The following CATSPERE variants were observed in gnomAD, a reference collection of about 807,000 sequenced individuals.
CATSPERE encodes the protein catsper channel auxiliary subunit epsilon, also known as cation channel sperm-associated auxiliary subunit epsilon.
A neutral mutation model predicts 114.1 loss-of-function variants in CATSPERE; 93 were observed. The observed-to-expected ratio is 0.81, with a 90% CI of 0.69 to 0.97. The LOEUF is 0.97. Ranked by LOEUF, CATSPERE falls within the 50% of genes least tolerant of loss-of-function variation. The pLI, the probability that CATSPERE is intolerant of heterozygous loss-of-function variation, is 0.00. For synonymous variants in CATSPERE, 341 were observed against 384.1 expected (o/e 0.89, Z 1.31); for missense variants, 1,058 against 1,131.6 (o/e 0.93, Z 0.93).
intron 7 of CATSPERE, among the ~76,000 whole-genome samples, chr1:244,513,292 T>TG: frequency 6.6e-6 from 1 of 152,086 alleles, no homozygotes; most frequent in East Asian, 1.9e-4. Context: ...AGTGGCAGGT[T>TG]GGGCAGGCCA....
At position 244,633,249 on chromosome 1, in the gene CATSPERE, T is replaced by G. The variant is rs1674198636; in HGVS notation, c.2649-2240T>G. 6.6e-6 allele frequency among the ~76,000 whole-genome samples: 1 copy of G among 152,260 alleles called. No individual in the cohort carries two copies. ...TCAGTAAGGATACAGAATACCTAAC[T>G]GTGCTATCAACCAATTCAATCCATT... On this transcript the variant is annotated intron_variant, in intron 20 of 21. Transcript: ENST00000366534. This position sits in a 1 kb window ranked among gnomAD's most constrained non-coding sequence, Gnocchi z 4.1.
At chr1:244,542,621 A>G (rs1170087449) in intron 8 of CATSPERE, among the ~76,000 whole-genome samples, 4 of 152,174 alleles carry the variant, frequency 2.6e-5, no homozygotes, top group African/African-American at 7.2e-5. Context: ...CACTTAAGAT[A>G]ATGGCATCCA....
rs35687880 is a variant in CATSPERE at position 244,626,485 on chromosome 1, CAAAAAAAAA to C, written c.2648+8814_2648+8822del. Among the ~76,000 whole-genome samples, 15 of 66,880 alleles carry C rather than the reference CAAAAAAAAA, an allele frequency of 2.2e-4. 2 individuals carry two copies. The highest frequency in any genetic ancestry group is 1.7e-3 in the South Asian group (3 of 1,716). The allele number at this position is 66,880 out of a possible 152,430, so 43.9% of individuals were successfully genotyped here. ...GGGCAACAAGAGCAAAATTCCATCT[CAAAAAAAAA>C]AAAAAAAAAAAAAAGTCCTAGATGG... On this transcript the variant is annotated intron_variant, in intron 20 of 21. Coordinates refer to ENST00000366534, the MANE Select transcript of CATSPERE (RefSeq NM_001130957.2).
At chr1:244,511,895 G>C (rs1322933262) in intron 7 of CATSPERE, among the ~76,000 whole-genome samples, 4 of 152,194 alleles carry the variant, frequency 2.6e-5, no homozygotes, top group African/African-American at 9.7e-5. Flanking sequence ...TTTCTGCTGA[G>C]AAATCCACTG....
intron 4 of CATSPERE, among the ~76,000 whole-genome samples, chr1:244,479,314 A>T (rs1669893719): frequency 6.6e-6 from 1 of 152,104 alleles, no homozygotes; most frequent in South Asian, 2.1e-4. Context: ...GCTGGTCTCG[A>T]ACTTCTCACC....
In CATSPERE at chr1:244,572,467, C is replaced by T. The variant is rs768477333; in HGVS notation, c.1645C>T (p.Gln549Ter). ...ATTCATTTTCTTAAGTACATCTGGT[C>T]AAACATATTTCCTGTATGCTTTGGA... ...RAFIFLSTSGQTYFLYALDDG... is the reference protein window; with the variant it reads ...RAFIFLSTSG Residue 549 changes from glutamine to a stop codon, truncating the protein, a stop_gained, in exon 11 of 22, where the codon CAA becomes TAA. Coordinates refer to ENST00000366534, the MANE Select transcript of CATSPERE (RefSeq NM_001130957.2). LOFTEE classifies it high-confidence loss of function. 6.2e-7 allele frequency: 1 copy of T among 1,613,974 alleles called. No homozygotes were observed. The highest frequency in any genetic ancestry group is 8.5e-7 in the Non-Finnish European group (1 of 1,179,896).
intron 2 of CATSPERE, among the ~76,000 whole-genome samples, chr1:244,467,068 A>T (rs905725775): frequency 1.3e-5 from 2 of 152,192 alleles, no homozygotes; most frequent in African/African-American, 4.8e-5. Flanking sequence ...TACAATACAC[A>T]ACAGTCAATT....
chr1:244,493,378 G>C (rs1435930383), intron 6 of CATSPERE, among the ~76,000 whole-genome samples: 2 of 152,164 alleles, frequency 1.3e-5, no homozygotes, highest in Non-Finnish European at 2.9e-5. Flanking sequence ...AAATGGTGCT[G>C]GGAAAACTGG....
At chr1:244,589,548 T>A (rs1667451170) in intron 14 of CATSPERE, among the ~76,000 whole-genome samples, 1 of 152,190 alleles carries the variant, frequency 6.6e-6, no homozygotes, top group Admixed American at 6.5e-5. Flanking sequence ...GGACCAACAC[T>A]GGCATCACCT....
chr1:244,524,742 T>C (rs1678230327), intron 8 of CATSPERE, among the ~76,000 whole-genome samples: 1 of 148,870 alleles, frequency 6.7e-6, no homozygotes, highest in Non-Finnish European at 1.5e-5. Context: ...GAAAAAATGC[T>C]CACCATCACT....
chr1:244,593,375 G>A lies in CATSPERE; in HGVS notation c.2190-20G>A, dbSNP rs1204849930. 1 of 1,610,790 alleles carries A rather than the reference G, an allele frequency of 6.2e-7. No individual in the cohort carries two copies. The highest frequency in any genetic ancestry group is 8.5e-7 in the Non-Finnish European group (1 of 1,179,330). ...TTTGAAAAGAGGAAAGAGAAATAATGAGGAATGTCTTTTTCACAGGTCATA... is the reference window on the plus strand; with the variant it reads ...TTTGAAAAGAGGAAAGAGAAATAATAAGGAATGTCTTTTTCACAGGTCATA... On this transcript the variant is annotated intron_variant, in intron 15 of 21. Coordinates refer to ENST00000366534, the MANE Select transcript of CATSPERE (RefSeq NM_001130957.2).
intron 2 of CATSPERE, among the ~76,000 whole-genome samples, chr1:244,470,680 A>C (rs1423568479): frequency 6.6e-6 from 1 of 152,220 alleles, no homozygotes; most frequent in African/African-American, 2.4e-5. Context: ...AAGAGAAATG[A>C]AAATATAATG....
chr1:244,532,062 T>C (rs1679695674), intron 8 of CATSPERE, among the ~76,000 whole-genome samples: 1 of 152,190 alleles, frequency 6.6e-6, no homozygotes, highest in Admixed American at 6.5e-5. Flanking sequence ...TGGTAGGTTG[T>C]ATGTGTCTAG....
chr1:244,470,508 T>C (rs758735528), intron 2 of CATSPERE, among the ~76,000 whole-genome samples: 2 of 152,196 alleles, frequency 1.3e-5, no homozygotes, highest in East Asian at 1.9e-4. Context: ...AAAAGACAGA[T>C]AATAACAAGT....
rs545600839 is a variant in CATSPERE, at chr1:244,568,017, G to A, written c.1508-4313G>A. Among the ~76,000 whole-genome samples, 1 of 152,198 alleles carries A rather than the reference G, an allele frequency of 6.6e-6. No homozygotes were observed. The highest frequency in any genetic ancestry group is 1.9e-4 in the East Asian group (1 of 5,164). The stretch of plus-strand genomic sequence containing the variant: ...CTTTGATGTTGGTGACCTTTACATG[G>A]GGTTTTTGTGTGGATGTCCTTTTTG... On this transcript the variant is annotated intron_variant, in intron 10 of 21. Transcript: ENST00000366534. The surrounding 1 kb of genome is among the most constrained non-coding windows in gnomAD (Gnocchi z 4.4).
At chr1:244,559,010 A>C (rs891725421) in intron 9 of CATSPERE, among the ~76,000 whole-genome samples, 1 of 152,210 alleles carries the variant, frequency 6.6e-6, no homozygotes, top group Non-Finnish European at 1.5e-5. Flanking sequence ...CATTTTGAAG[A>C]GACCTTGAAT....
intron 7 of CATSPERE, among the ~76,000 whole-genome samples, chr1:244,500,768 T>C (rs1407354644): frequency 6.6e-6 from 1 of 152,214 alleles, no homozygotes; most frequent in Non-Finnish European, 1.5e-5. Context: ...TAGTTTCAAG[T>C]CAGGTAGCGT....
chr1:244,469,964 A>G (rs1352150941), intron 2 of CATSPERE, among the ~76,000 whole-genome samples: 1 of 152,198 alleles, frequency 6.6e-6, no homozygotes, highest in Non-Finnish European at 1.5e-5. Context: ...TGAATGGAAA[A>G]AGAACGGTAC....
chr1:244,510,829 C>CTTTT (rs1675594007), intron 7 of CATSPERE, among the ~76,000 whole-genome samples: 2 of 86,170 alleles, frequency 2.3e-5, no homozygotes, highest in African/African-American at 4.5e-5. Context: ...TTTTCTTTTT[C>CTTTT]TTTTTCTTTT....
Sources: gnomAD v4.1 joint callset for allele counts (sites outside exome capture counted in the v4.1 genomes callset) on GRCh38, gnomAD v4.1.1 for gene constraint, Gnocchi (gnomAD v3.1) non-coding constraint, MANE v1.5 for transcripts, NCBI Gene and HGNC (gene_info 2026-07-23, HGNC 2026-07-21) for gene names.